Variants in CHD2 observed in about 807,000 individuals in gnomAD.
CHD2 encodes chromodomain helicase DNA binding protein 2, also known as ATP-dependent chromatin remodeler CHD2.
Under a neutral mutation model 243.9 loss-of-function variants are expected in CHD2, and 28 were observed. That is an observed-to-expected ratio of 0.11 (90% CI 0.09 to 0.16). CHD2 has a LOEUF of 0.16. Among genes scored for constraint, CHD2 ranks in the 10% least tolerant of loss-of-function variants. CHD2 has a pLI of 1.00. For missense variants in CHD2, 1,386 were observed against 2,209.8 expected (o/e 0.63, Z 7.47); for synonymous variants, 775 against 779.0 (o/e 0.99, Z 0.09).
Position 92,900,433 on chromosome 15 carries a change from G to C in CHD2, c.-463G>C. On this transcript the variant is annotated 5_prime_UTR_variant, in exon 1 of 39. Coordinates refer to ENST00000394196, the MANE Select transcript of CHD2 (RefSeq NM_001271.4). The stretch of plus-strand genomic sequence containing the variant: ...TTTCCCTAACTTTCGGGCAGCCTCA[G>C]GGGGCCCCCGTAGCCCCCTGCCTTT... The C allele has an allele frequency of 2.5e-6, 1 of 395,650 alleles. No individual in the cohort carries two copies. The highest frequency in any genetic ancestry group is 3.6e-5 in the East Asian group (1 of 27,930). The allele number at this position is 395,650 out of a possible 1,614,324, so 24.5% of individuals were successfully genotyped here.
intron 22 of CHD2, among the ~76,000 whole-genome samples, chr15:92,979,696 G>A (rs568757846): frequency 6.6e-6 from 1 of 151,844 alleles, no homozygotes; most frequent in Non-Finnish European, 1.5e-5. Flanking sequence ...CTTCCAGAAG[G>A]GTGTAAAAAG....
rs201931604 is a variant in CHD2 at position 92,939,873 on chromosome 15, A to G, written c.692+155A>G. 2.6e-5 allele frequency among the ~76,000 whole-genome samples: 4 copies of G among 152,326 alleles called. No homozygotes were observed. In the East Asian group the frequency reaches 7.7e-4, roughly 29 times the overall value. On this transcript the variant is annotated intron_variant, in intron 7 of 38. Transcript: ENST00000394196. ...CAGAAATCTGGTTAGCTTTCTTGCA[A>G]AAAGAGTGGTATTGAGCCAAGGGGA... is the stretch of plus-strand genomic sequence containing the variant.
intron 37 of CHD2, among the ~76,000 whole-genome samples, chr15:93,015,564 G>T (rs535069631): frequency 1.3e-5 from 2 of 149,998 alleles, no homozygotes; most frequent in South Asian, 4.1e-4. Context: ...TCAACAGAGT[G>T]AAGAGACAGT....
chr15:93,008,228 G>C (rs2054346650), intron 34 of CHD2, among the ~76,000 whole-genome samples: 1 of 152,250 alleles, frequency 6.6e-6, no homozygotes, highest in African/African-American at 2.4e-5. Flanking sequence ...GGGTCATCCT[G>C]TGTGACTGTG....
chr15:93,006,042 A>C (rs1180990993), intron 34 of CHD2, among the ~76,000 whole-genome samples: 1 of 152,072 alleles, frequency 6.6e-6, no homozygotes. Flanking sequence ...GTCAAATCTG[A>C]ATTTTTTTAA....
rs1024223144 is a variant in CHD2, at chr15:92,984,375, C to T, written c.3112C>T (p.Arg1038Cys). 1.2e-6 allele frequency: 2 copies of T among 1,602,956 alleles called. No individual in the cohort carries two copies. Among genetic ancestry groups the T allele is most frequent in the South Asian group, 1.1e-5 (1 of 88,846 alleles). Reference sequence around the variant, plus strand: ...GGAAGATGAAGAAGAGCTAGAAGAGCGTCCTCACAAGGACTGGGATGAGAT... The same window carrying T: ...GGAAGATGAAGAAGAGCTAGAAGAGTGTCCTCACAAGGACTGGGATGAGAT... Reference protein sequence around the residue: ...TMEDEEELEERPHKDWDEIIP... With the variant: ...TMEDEEELEECPHKDWDEIIP... The change falls in exon 25 of 39, where the codon CGT (arginine) becomes TGT (cysteine). Residue 1038 changes from arginine (R) to cysteine (C), a missense_variant. Coordinates refer to ENST00000394196, the MANE Select transcript of CHD2 (RefSeq NM_001271.4).
chr15:92,920,304 TCAGAA>T (rs1316528992), intron 2 of CHD2, among the ~76,000 whole-genome samples: 2 of 152,164 alleles, frequency 1.3e-5, no homozygotes, highest in African/African-American at 4.8e-5. Flanking sequence ...AATACTCTAC[TCAGAA>T]ATATGGAAAG....
chr15:92,949,993 A>G (rs1274953721), intron 13 of CHD2, among the ~76,000 whole-genome samples: 2 of 152,246 alleles, frequency 1.3e-5, no homozygotes, highest in Admixed American at 1.3e-4. Flanking sequence ...AACTTTCCTA[A>G]ATAGATAAAC....
rs1371613521 is a variant in CHD2 at position 92,985,540 on chromosome 15, C to G, written c.3280C>G (p.Gln1094Glu). 2 of 1,613,972 alleles carry G rather than the reference C, an allele frequency of 1.2e-6. No homozygotes were observed. The highest frequency in any genetic ancestry group is 1.1e-5 in the South Asian group (1 of 91,076). Residue 1094 changes from glutamine (Q) to glutamate (E), a missense_variant, in exon 26 of 39, where the codon CAG becomes GAG. Physicochemically the swap from Gln to Glu is conservative, Grantham distance 29 (BLOSUM62 2). Coordinates refer to ENST00000394196, the MANE Select transcript of CHD2 (RefSeq NM_001271.4). ...DSDSDTESKR[Q>E]AQRSSASESE... ...TGACTCTGACACTGAGTCTAAGAGG[C>G]AGGCCCAGAGATCCTCTGCTTCTGA...
At chr15:92,978,782 T>A (rs1014880906) in intron 21 of CHD2, among the ~76,000 whole-genome samples, 1 of 152,232 alleles carries the variant, frequency 6.6e-6, no homozygotes, top group African/African-American at 2.4e-5. Flanking sequence ...CTTTTTTGTT[T>A]ATGAATCTTA....
chr15:92,963,561 A>G (rs904064204), intron 16 of CHD2, among the ~76,000 whole-genome samples: 4 of 152,238 alleles, frequency 2.6e-5, no homozygotes, highest in African/African-American at 9.6e-5. Context: ...TTTCATATTT[A>G]TCCATATATT....
chr15:92,909,955 TG>T (rs2052698590), intron 2 of CHD2, among the ~76,000 whole-genome samples: 2 of 151,514 alleles, frequency 1.3e-5, no homozygotes, highest in African/African-American at 2.4e-5. Context: ...TGTGTGTGTG[TG>T]TGTGTGTGTG....
At chr15:92,993,244 G>A in intron 28 of CHD2, 1 of 401,006 alleles carries the variant, frequency 2.5e-6, no homozygotes. Flanking sequence ...TTGTGTTGCT[G>A]TAGAAAGTTT....
chr15:93,014,604 A>G lies in CHD2; in HGVS notation c.4693-92A>G, dbSNP rs984474753. 125 of 1,115,276 alleles carry G rather than the reference A, an allele frequency of 1.1e-4. 1 individual carries two copies. Among genetic ancestry groups the G allele is most frequent in the Non-Finnish European group, 1.5e-4 (118 of 767,420 alleles). 69.1% of individuals were successfully genotyped at this position (1,115,276 alleles called of 1,614,324 possible). A position where few individuals can be genotyped will look rare whatever the true frequency, so the allele number is the denominator to read the frequency against. On this transcript the variant is annotated intron_variant, in intron 36 of 38. Coordinates refer to ENST00000394196, the MANE Select transcript of CHD2 (RefSeq NM_001271.4). ...CCAGTTCAGAAGTTTAAGAAGGACA[A>G]GAAGGAGCTGTTTAGAGGTGATAGC...
At chr15:92,961,167 A>T (rs1209442846) in intron 16 of CHD2, among the ~76,000 whole-genome samples, 1 of 152,102 alleles carries the variant, frequency 6.6e-6, no homozygotes, top group African/African-American at 2.4e-5. Flanking sequence ...GTGTAAGTTT[A>T]GTGTTATTTC....
intron 5 of CHD2, among the ~76,000 whole-genome samples, chr15:92,930,021 A>AAAGTC (rs3064788): frequency 0.59 from 89,743 of 151,308 alleles, 27,003 homozygotes; most frequent in East Asian, 0.86. Flanking sequence ...GCCTTACAGA[A>AAAGTC]AAGTACTTAA....
At chr15:92,906,664 CTTT>C (rs66638937) in intron 2 of CHD2, among the ~76,000 whole-genome samples, 29,659 of 128,746 alleles carry the variant, frequency 0.23, 3,726 homozygotes, top group East Asian at 0.61. Flanking sequence ...TATGAGCCAT[CTTT>C]TTTTTTTTTT....
chr15:93,022,637 C>T (rs983552596), intron 38 of CHD2, among the ~76,000 whole-genome samples: 1 of 152,192 alleles, frequency 6.6e-6, no homozygotes, highest in Non-Finnish European at 1.5e-5. Flanking sequence ...AGCTGTATAC[C>T]TGGGAACCCT....
rs143431217 is a variant in CHD2, at chr15:93,014,877, A to G, written c.4874A>G (p.Asn1625Ser). 3.7e-5 allele frequency: 60 copies of G among 1,614,024 alleles called. No homozygotes were observed. Among genetic ancestry groups the G allele is most frequent in the African/African-American group, 1.7e-4 (13 of 74,904 alleles). Reference sequence around the variant, plus strand: ...CATGGACACCCAAGAGATAACTACAATCACCCCAACAAGAGACACTTCAGT... The same window carrying G: ...CATGGACACCCAAGAGATAACTACAGTCACCCCAACAAGAGACACTTCAGT... The part of the protein sequence containing the change: ...QMHGHPRDNY[N>S]HPNKRHFSNA... Residue 1625 changes from asparagine (N) to serine (S), a missense_variant, in exon 37 of 39, where the codon AAT becomes AGT. Around this residue, in one of 19 missense-constraint regions of CHD2, gnomAD observed 347 missense variants for 341.6 expected, o/e 1.02. Transcript: ENST00000394196.
Sources: allele counts gnomAD v4.1 joint callset (sites outside exome capture counted in the v4.1 genomes callset), GRCh38; gene constraint gnomAD v4.1.1; regional missense constraint gnomAD v4.1.1; transcripts MANE v1.5; gene names NCBI Gene and HGNC (gene_info 2026-07-23, HGNC 2026-07-21).